The following RAP1GAP2 variants were observed in gnomAD, a reference collection of about 807,000 sequenced individuals.
The protein encoded by RAP1GAP2 is rap1 GTPase-activating protein 2.
RAP1GAP2 carries 27 observed loss-of-function variants against 95.0 expected under a neutral mutation model. That is an observed-to-expected ratio of 0.28 (90% CI 0.21 to 0.39). The LOEUF (loss-of-function observed/expected upper bound fraction) is 0.39, where lower values mean the gene tolerates loss of function less well. Ranked by LOEUF, RAP1GAP2 falls within the 10% of genes least tolerant of loss-of-function variation. The probability of loss-of-function intolerance (pLI) is 1.00; values close to 1 mark genes in which losing one functional copy is unlikely to be tolerated. For missense variants in RAP1GAP2, 771 were observed against 970.0 expected, an observed-to-expected ratio of 0.79 and a Z score of 2.72; for synonymous variants, 373 against 380.9, an observed-to-expected ratio of 0.98 and a Z score of 0.24.
intron 1 of RAP1GAP2, among the ~76,000 whole-genome samples, chr17:2,781,571 T>C (rs71359178): frequency 8.2e-6 from 1 of 121,530 alleles, no homozygotes; most frequent in Non-Finnish European, 1.8e-5. Flanking sequence ...TCTCTGTGTG[T>C]GCAGGTCTCT....
chr17:2,768,098 C>G (rs117438485), intron 1 of RAP1GAP2, among the ~76,000 whole-genome samples: 6 of 152,088 alleles, frequency 3.9e-5, no homozygotes, highest in Middle Eastern at 3.2e-3. Flanking sequence ...GTGCATGGGT[C>G]GCCCTCAGTC....
intron 3 of RAP1GAP2, among the ~76,000 whole-genome samples, chr17:2,925,781 G>T (rs2042936756): frequency 6.6e-6 from 1 of 152,148 alleles, no homozygotes; most frequent in African/African-American, 2.4e-5. Flanking sequence ...CAGATCTGGG[G>T]AGCAGGAAGG....
intron 1 of RAP1GAP2, among the ~76,000 whole-genome samples, chr17:2,765,853 C>T (rs1188721809): frequency 2.6e-5 from 4 of 152,164 alleles, no homozygotes; most frequent in Non-Finnish European, 5.9e-5. Flanking sequence ...CCTGTAATCC[C>T]AGCTACTCGG....
intron 8 of RAP1GAP2, among the ~76,000 whole-genome samples, chr17:2,979,460 G>GT (rs71153320): frequency 0.029 from 2,283 of 78,468 alleles, 114 homozygotes; most frequent in African/African-American, 0.037. Flanking sequence ...GGCGTGTTCT[G>GT]TTTTTTTTTT....
At chr17:2,875,526 T>C (rs1317288826) in intron 2 of RAP1GAP2, among the ~76,000 whole-genome samples, 1 of 152,094 alleles carries the variant, frequency 6.6e-6, no homozygotes, top group Non-Finnish European at 1.5e-5. Context: ...CATCAGTTAG[T>C]TTAGGGCTCA....
chr17:2,861,012 G>T (rs575140984), intron 2 of RAP1GAP2, among the ~76,000 whole-genome samples: 2 of 152,230 alleles, frequency 1.3e-5, no homozygotes, highest in South Asian at 4.1e-4. Flanking sequence ...TCCTCCTGGT[G>T]ATCACCATGA....
At chr17:2,910,953 C>G (rs1174496902) in intron 3 of RAP1GAP2, among the ~76,000 whole-genome samples, 1 of 152,216 alleles carries the variant, frequency 6.6e-6, no homozygotes. Context: ...CCAGCCTTGG[C>G]CTCCCAAAGT....
intron 8 of RAP1GAP2, among the ~76,000 whole-genome samples, chr17:2,974,852 A>G (rs896268962): frequency 2.6e-5 from 4 of 152,248 alleles, no homozygotes; most frequent in African/African-American, 9.6e-5. Flanking sequence ...AAAGCAAAAA[A>G]CAAAACATCA....
chr17:2,777,831 G>A lies in RAP1GAP2; in HGVS notation c.-14+553G>A, dbSNP rs1392846301. Among the ~76,000 whole-genome samples the A allele has an allele frequency of 5.9e-5, 9 of 152,266 alleles. No homozygotes were observed. The East Asian group carries it at 1.5e-3, about 26-fold the overall frequency. On this transcript the variant is annotated intron_variant, in intron 1 of 24. Transcript: ENST00000540393. Reference sequence around the variant, plus strand: ...CAGGGCTCTTGGGTTCTTTGCCTGCGTTGTGACCCTGGGGCCATCCCTCAA... The same window carrying A: ...CAGGGCTCTTGGGTTCTTTGCCTGCATTGTGACCCTGGGGCCATCCCTCAA...
upstream of RAP1GAP2, among the ~76,000 whole-genome samples, chr17:2,795,604 C>T (rs546150045): frequency 3.3e-5 from 5 of 152,324 alleles, no homozygotes; most frequent in South Asian, 6.2e-4. Flanking sequence ...GGGTGGGGGG[C>T]GGCTGACAGG....
At chr17:2,806,376 T>TTA (rs1555545388) in intron 2 of RAP1GAP2, among the ~76,000 whole-genome samples, 1 of 139,948 alleles carries the variant, frequency 7.1e-6, no homozygotes, top group African/African-American at 2.7e-5. Context: ...CTACAACCTT[T>TTA]TTATTATTAT....
chr17:2,795,963 TGTATACTTACATCCACGTGTGCTA>T (rs1335818173), upstream of RAP1GAP2, among the ~76,000 whole-genome samples: 3 of 152,290 alleles, frequency 2.0e-5, no homozygotes, highest in Admixed American at 1.3e-4. Flanking sequence ...TGCGTGTGCA[TGTATACTTACATCCACGTGTGCTA>T]GTGGAATGAC....
chr17:2,818,520 G>T (rs1024406653), intron 2 of RAP1GAP2, among the ~76,000 whole-genome samples: 9 of 151,990 alleles, frequency 5.9e-5, no homozygotes, highest in African/African-American at 9.6e-5. Flanking sequence ...TAGAGATGGG[G>T]TTTCACCATG....
At chr17:2,962,768 G>A (rs1241165751) in intron 5 of RAP1GAP2, 54 bp downstream of exon 5, 17 of 1,493,664 alleles carry the variant, frequency 1.1e-5, no homozygotes, top group South Asian at 3.8e-5. Flanking sequence ...GGGCTAGGGC[G>A]AGAGGAAGGC....
chr17:2,763,333 T>C (rs73976581), intron 1 of RAP1GAP2, among the ~76,000 whole-genome samples: 1,769 of 152,254 alleles, frequency 0.012, 30 homozygotes, highest in African/African-American at 0.04. Context: ...ACAGCCTTTG[T>C]ACTTCAGCAG....
intron 2 of RAP1GAP2, among the ~76,000 whole-genome samples, chr17:2,842,007 T>C (rs2071391341): frequency 1.3e-5 from 2 of 152,144 alleles, no homozygotes; most frequent in South Asian, 4.1e-4. Context: ...CTCAACCCTC[T>C]CTACAGCTCA....
rs74796758 is a variant in RAP1GAP2, at chr17:2,995,829, C to G, written c.1044+363C>G. On this transcript the variant is annotated intron_variant, in intron 13 of 24. Coordinates refer to ENST00000254695, the MANE Select transcript of RAP1GAP2 (RefSeq NM_015085.5). Reference sequence around the variant, plus strand: ...AGAGCCCAGGGCAGAGCCTGGGGGCCCTGGTCATAGAGGGTGGTGGCAAAG... The same window carrying G: ...AGAGCCCAGGGCAGAGCCTGGGGGCGCTGGTCATAGAGGGTGGTGGCAAAG... Among the ~76,000 whole-genome samples, 2,173 of 152,262 alleles carry G rather than the reference C, an allele frequency of 0.014. 188 individuals are homozygous for G. The East Asian group carries it at 0.24, about 17-fold the overall frequency.
chr17:3,014,443 G>A (rs1434235595), intron 17 of RAP1GAP2, among the ~76,000 whole-genome samples: 1 of 152,158 alleles, frequency 6.6e-6, no homozygotes, highest in Non-Finnish European at 1.5e-5. Flanking sequence ...TCATTGTGTG[G>A]TGCTGGACTG....
chr17:2,832,444 G>A (rs534032606), intron 2 of RAP1GAP2, among the ~76,000 whole-genome samples: 10 of 150,150 alleles, frequency 6.7e-5, no homozygotes, highest in African/African-American at 2.2e-4. Flanking sequence ...TGTAGTCCCA[G>A]CTACTCGGGA....
Sources: allele counts gnomAD v4.1 joint callset (sites outside exome capture counted in the v4.1 genomes callset), GRCh38; gene constraint gnomAD v4.1.1; transcripts MANE v1.5; gene names NCBI Gene and HGNC (gene_info 2026-07-23, HGNC 2026-07-21).